MCF2L: variants seen among roughly 807,000 people sequenced by gnomAD.
MCF2L encodes the protein MCF.2 cell line derived transforming sequence like.
In MCF2L, 97 loss-of-function variants were observed where a neutral mutation model predicts 153.4. The observed-to-expected ratio is 0.63, with a 90% CI of 0.54 to 0.75. MCF2L has a LOEUF of 0.75. Ranked by LOEUF, MCF2L falls within the 30% of genes least tolerant of loss-of-function variation. MCF2L has a pLI of 0.00. For synonymous variants in MCF2L, 659 were observed against 632.2 expected, an observed-to-expected ratio of 1.04 and a Z score of -0.64; for missense variants, 1,347 against 1,495.2, an observed-to-expected ratio of 0.90 and a Z score of 1.64.
Position 112,904,754 on chromosome 13 carries a change from G to A in MCF2L, c.169+2383G>A, listed in dbSNP as rs989402659. On this transcript the variant is annotated intron_variant, in intron 2 of 29. Coordinates refer to the MCF2L transcript ENST00000375608. The surrounding 1 kb of genome is among the most constrained non-coding windows in gnomAD (Gnocchi z 4.2). The stretch of plus-strand genomic sequence containing the variant: ...GCGCACGGCGTGGACTGCGGCCTGC[G>A]GGAGAACCGCACTCGGCTCTCAGGC... Among the ~76,000 whole-genome samples the A allele has an allele frequency of 3.3e-5, 5 of 152,212 alleles. No homozygotes were observed. Among genetic ancestry groups the A allele is most frequent in the African/African-American group, 7.2e-5 (3 of 41,462 alleles).
At chr13:113,075,902 T>C in intron 11 of MCF2L, 64 bp from the exon 12 acceptor site, 1 of 1,341,568 alleles carries the variant, frequency 7.5e-7, no homozygotes, top group Non-Finnish European at 1.0e-6. Flanking sequence ...AGTGTGTGCC[T>C]GGACAGGGTG....
intron 1 of MCF2L, among the ~76,000 whole-genome samples, chr13:112,975,567 A>G (rs1374810045): frequency 6.6e-6 from 1 of 152,202 alleles, no homozygotes; most frequent in Non-Finnish European, 1.5e-5. Flanking sequence ...GTTTGCTGTT[A>G]GGGTCACTTG....
intron 26 of MCF2L, 162 bp downstream of exon 26, chr13:113,089,890 C>T: frequency 6.2e-7 from 1 of 1,607,370 alleles, no homozygotes; most frequent in South Asian, 1.1e-5. Flanking sequence ...TAGGACCCCA[C>T]AGAAGAGCCC....
intron 1 of MCF2L, among the ~76,000 whole-genome samples, chr13:113,011,835 C>T (rs1338118684): frequency 3.1e-5 from 2 of 64,838 alleles, no homozygotes; most frequent in African/African-American, 6.7e-5. Context: ...CACTGTGATG[C>T]GGACGGTGGA....
rs1264661125 is a variant in MCF2L, at chr13:113,070,407, G to T, written c.996+234G>T. ...AAAGGTGATTGAAAATCAGCTCACT[G>T]GGATGCACTTACACTGCATTATTCG... On this transcript the variant is annotated intron_variant, in intron 9 of 29. Coordinates refer to ENST00000535094, the MANE Select transcript of MCF2L (RefSeq NM_001112732.3). This position sits in a 1 kb window ranked among gnomAD's most constrained non-coding sequence, Gnocchi z 5.6. The T allele has an allele frequency of 1.7e-5, 6 of 356,794 alleles. No individual in the cohort carries two copies. Among genetic ancestry groups the T allele is most frequent in the Non-Finnish European group, 3.0e-5 (6 of 198,342 alleles). The allele number at this position is 356,794 out of a possible 1,614,324, so 22.1% of individuals were successfully genotyped here. A position where few individuals can be genotyped will look rare whatever the true frequency, so the allele number is the denominator to read the frequency against.
intron 1 of MCF2L, among the ~76,000 whole-genome samples, chr13:113,004,111 G>T (rs1427379800): frequency 6.6e-6 from 1 of 152,178 alleles, no homozygotes; most frequent in East Asian, 1.9e-4. Context: ...TTCCCTCGTG[G>T]CTGGTGCAGG....
intron 2 of MCF2L, among the ~76,000 whole-genome samples, chr13:113,023,413 C>T (rs561117302): frequency 3.9e-5 from 6 of 152,306 alleles, no homozygotes; most frequent in South Asian, 2.1e-4. Flanking sequence ...ATGGTAAAGC[C>T]GCCCTGCCTG....
intron 3 of MCF2L, among the ~76,000 whole-genome samples, chr13:113,034,779 T>G (rs2086041997): frequency 6.6e-6 from 1 of 152,040 alleles, no homozygotes; most frequent in Non-Finnish European, 1.5e-5. Flanking sequence ...GTGCTCAGGG[T>G]CCAGACACAG....
intron 3 of MCF2L, among the ~76,000 whole-genome samples, chr13:113,033,235 G>A (rs367885819): frequency 7.2e-4 from 52 of 72,512 alleles, no homozygotes; most frequent in African/African-American, 1.4e-3. Context: ...CCCCCGTGAC[G>A]TGAGTGGCCC....
chr13:113,086,776 C>T (rs2142041624), intron 21 of MCF2L, among the ~76,000 whole-genome samples: 1 of 152,058 alleles, frequency 6.6e-6, no homozygotes, highest in South Asian at 2.1e-4. Context: ...TGATTTATTG[C>T]AGCAATTTTT....
chr13:113,058,228 G>T (rs2030609856), intron 4 of MCF2L, among the ~76,000 whole-genome samples: 1 of 150,726 alleles, frequency 6.6e-6, no homozygotes, highest in African/African-American at 2.4e-5. Context: ...TTTGGGCGCT[G>T]AGTGTTTGGG....
chr13:113,096,302 C>A, intron 27 of MCF2L, 69 bp from the exon 28 acceptor site: 1 of 1,262,042 alleles, frequency 7.9e-7, no homozygotes, highest in African/African-American at 1.5e-5. Flanking sequence ...GGCACTCCGC[C>A]TGGCTGCTGT....
intron 1 of MCF2L, among the ~76,000 whole-genome samples, chr13:112,900,944 A>G (rs78704927): frequency 0.052 from 7,967 of 152,068 alleles, 700 homozygotes; most frequent in African/African-American, 0.18. Flanking sequence ...GCTGAAGACA[A>G]TGAAAGGGGG....
intron 1 of MCF2L, among the ~76,000 whole-genome samples, chr13:112,997,299 A>G (rs2083179833): frequency 6.6e-6 from 1 of 152,154 alleles, no homozygotes. Flanking sequence ...CAGGTTTGCG[A>G]TGGGGTTGCT....
chr13:112,904,421 G>T lies in MCF2L; in HGVS notation c.169+2050G>T, dbSNP rs1322777818. 1.3e-5 allele frequency among the ~76,000 whole-genome samples: 2 copies of T among 152,180 alleles called. No individual in the cohort carries two copies. The highest frequency in any genetic ancestry group is 4.8e-5 in the African/African-American group (2 of 41,430). Reference sequence around the variant, plus strand: ...AGCTTGGGTGGGTTGAGAAGCCTCTGCAGTGTGGGCAGCAGTAGTAGCATC... The same window carrying T: ...AGCTTGGGTGGGTTGAGAAGCCTCTTCAGTGTGGGCAGCAGTAGTAGCATC... On this transcript the variant is annotated intron_variant, in intron 2 of 29. Transcript: ENST00000375608. The surrounding 1 kb of genome is among the most constrained non-coding windows in gnomAD (Gnocchi z 4.2).
In MCF2L at chr13:112,980,653, C is replaced by CCCCTTTCCCCCGCCTTT. The variant is rs1479139372; in HGVS notation, c.79+11211_79+11212insTCCCTTTCCCCCGCCTT. ...GCCGCCTTCCCCTTTCCCCCGCCTT[C>CCCCTTTCCCCCGCCTTT]CCCTTTCCCCCGCCTTGGGCACGGA... On this transcript the variant is annotated intron_variant, in intron 1 of 29. Transcript: ENST00000535094. Among the ~76,000 whole-genome samples, 25 of 146,096 alleles carry CCCCTTTCCCCCGCCTTT rather than the reference C, an allele frequency of 1.7e-4. 1 individual carries two copies. The highest frequency in any genetic ancestry group is 5.7e-4 in the African/African-American group (22 of 38,270).
intron 2 of MCF2L, among the ~76,000 whole-genome samples, chr13:112,953,884 G>T (rs1372052741): frequency 6.6e-6 from 1 of 152,196 alleles, no homozygotes; most frequent in East Asian, 1.9e-4. Flanking sequence ...CCCTGCTGTG[G>T]GCACTCGCTG....
At chr13:113,055,382 CCA>C (rs59884971) in intron 4 of MCF2L, among the ~76,000 whole-genome samples, 172 of 15,178 alleles carry the variant, frequency 0.011, 9 homozygotes, top group East Asian at 0.019. Context: ...CCCCCCCCCG[CCA>C]CACACACACA....
chr13:113,017,652 G>A (rs528495742), intron 2 of MCF2L, among the ~76,000 whole-genome samples: 4 of 151,952 alleles, frequency 2.6e-5, no homozygotes, highest in Non-Finnish European at 5.9e-5. Context: ...CTCCCCTCCC[G>A]CCCCAGCATC....
Sources: allele counts gnomAD v4.1 joint callset (sites outside exome capture counted in the v4.1 genomes callset), GRCh38; gene constraint gnomAD v4.1.1; non-coding constraint Gnocchi (gnomAD v3.1); transcripts MANE v1.5; gene names NCBI Gene and HGNC (gene_info 2026-07-23, HGNC 2026-07-21).